Variants in BCR observed in about 807,000 individuals in gnomAD.
BCR encodes breakpoint cluster region protein.
BCR carries 58 observed loss-of-function variants against 138.6 expected under a neutral mutation model. That is an observed-to-expected ratio of 0.42 (90% CI 0.34 to 0.52). The LOEUF is 0.52. BCR is among the 20% of genes least tolerant of loss of function. The pLI, the probability that BCR is intolerant of heterozygous loss-of-function variation, is 0.06. For missense variants in BCR, 1,599 were observed against 1,727.2 expected, an observed-to-expected ratio of 0.93 and a Z score of 1.32; for synonymous variants, 786 against 730.1, an observed-to-expected ratio of 1.08 and a Z score of -1.23.
At chr22:23,191,553 C>T (rs1019406548) in intron 1 of BCR, among the ~76,000 whole-genome samples, 3 of 152,206 alleles carry the variant, frequency 2.0e-5, no homozygotes, top group African/African-American at 7.2e-5. Context: ...AATCCTTTGT[C>T]TATCTGGCTT....
At chr22:23,289,395 A>G in intron 12 of BCR, 122 bp from the exon 13 acceptor site, 1 of 782,340 alleles carries the variant, frequency 1.3e-6, no homozygotes, top group Admixed American at 2.3e-5. Flanking sequence ...TGAGCCCCCA[A>G]GCCCTGGCAC....
chr22:23,191,935 T>TA (rs1303050820), intron 1 of BCR, among the ~76,000 whole-genome samples: 1 of 152,220 alleles, frequency 6.6e-6, no homozygotes, highest in East Asian at 1.9e-4. Context: ...GGCTCACCCT[T>TA]AGAGAACTTC....
chr22:23,263,816 C>T (rs2045930800), intron 4 of BCR: 3 of 1,221,684 alleles, frequency 2.5e-6, no homozygotes, highest in South Asian at 1.2e-5. Context: ...TGGCCTCAGG[C>T]CAGCTGGGGT....
chr22:23,264,890 G>T (rs1197137630), intron 4 of BCR: 1 of 152,320 alleles, frequency 6.6e-6, no homozygotes, highest in Admixed American at 6.5e-5. Flanking sequence ...AGGGAACCCA[G>T]CAGTTCTGAG....
At chr22:23,211,186 G>A (rs1568935471) in intron 1 of BCR, among the ~76,000 whole-genome samples, 1 of 152,042 alleles carries the variant, frequency 6.6e-6, no homozygotes, top group East Asian at 1.9e-4. Context: ...AGTTCTTAGA[G>A]CTTCTTTTTT....
In BCR at chr22:23,312,845, G is replaced by A. The variant is rs373932636; in HGVS notation, c.3323-42G>A. 269 of 1,592,662 alleles carry A rather than the reference G, an allele frequency of 1.7e-4. 3 individuals are homozygous for A. The highest frequency in any genetic ancestry group is 2.2e-4 in the Admixed American group (13 of 59,886). On this transcript the variant is annotated intron_variant, in intron 19 of 22. Coordinates refer to ENST00000305877, the MANE Select transcript of BCR (RefSeq NM_004327.4). Reference sequence around the variant, plus strand: ...GGCAGGGATGGTGGGAGACTCACTCGGGATCCTCAAGGAGGCCGCTGCATT... The same window carrying A: ...GGCAGGGATGGTGGGAGACTCACTCAGGATCCTCAAGGAGGCCGCTGCATT...
intron 1 of BCR, among the ~76,000 whole-genome samples, chr22:23,205,898 C>T (rs1204879434): frequency 2.0e-5 from 3 of 152,184 alleles, no homozygotes; most frequent in Non-Finnish European, 4.4e-5. Context: ...CTGTGTTTCA[C>T]AGCGAGCTGC....
chr22:23,236,154 A>C (rs2073020403), intron 1 of BCR, among the ~76,000 whole-genome samples: 1 of 152,164 alleles, frequency 6.6e-6, no homozygotes, highest in African/African-American at 2.4e-5. Flanking sequence ...CACCTCCTGC[A>C]CACCAGCCAG....
chr22:23,233,295 C>T lies in BCR; in HGVS notation c.1280-20504C>T, dbSNP rs77415067. On this transcript the variant is annotated intron_variant, in intron 1 of 22. Transcript: ENST00000305877. ...GGCAGCATCTCCACGCCACTCCTGC[C>T]GGCCTTTCTCCTGGTGGAAGCAGCC... is the stretch of plus-strand genomic sequence containing the variant. Among the ~76,000 whole-genome samples, 663 of 152,308 alleles carry T rather than the reference C, an allele frequency of 4.4e-3. 6 individuals carry two copies. The highest frequency in any genetic ancestry group is 0.015 in the African/African-American group (630 of 41,564).
At chr22:23,275,560 G>C (rs1229321919) in intron 8 of BCR, among the ~76,000 whole-genome samples, 1 of 152,226 alleles carries the variant, frequency 6.6e-6, no homozygotes, top group Non-Finnish European at 1.5e-5. Flanking sequence ...CCATGGCTGG[G>C]ACCTGGGAGT....
intron 16 of BCR, among the ~76,000 whole-genome samples, chr22:23,296,705 G>A (rs923392976): frequency 2.0e-5 from 3 of 152,224 alleles, no homozygotes; most frequent in Non-Finnish European, 2.9e-5. Flanking sequence ...TACTCAGGAC[G>A]CTGAAGCGAG....
At chr22:23,258,258 GC>G (rs397837229) in intron 2 of BCR, among the ~76,000 whole-genome samples, 4 of 145,910 alleles carry the variant, frequency 2.7e-5, no homozygotes, top group Non-Finnish European at 6.2e-5. Flanking sequence ...CAAAAAGGTG[GC>G]CCAGGAAGGC....
At chr22:23,268,258 G>C in intron 4 of BCR, 150 bp from the exon 5 acceptor site, 1 of 581,712 alleles carries the variant, frequency 1.7e-6, no homozygotes, top group Non-Finnish European at 2.9e-6. Flanking sequence ...CAGGTGGGAG[G>C]GAGCAGCACG....
rs761256537 is a variant in BCR, at chr22:23,182,164, G to A, written c.1204G>A (p.Ala402Thr). The A allele has an allele frequency of 6.2e-7, 1 of 1,606,918 alleles. No homozygotes were observed. The highest frequency in any genetic ancestry group is 1.7e-5 in the Admixed American group (1 of 59,894). ...GCACTGCCCGGTTGTCGTGTCCGAG[G>A]CCACCATCGTGGGCGTCCGCAAGAC... ...HRHCPVVVSE[A>T]TIVGVRKTGQ... The change falls in exon 1 of 23, where the codon GCC becomes ACC. Residue 402 changes from alanine to threonine, a missense_variant. By Grantham distance (58) the Ala-to-Thr change is moderately conservative. Around this residue, in one of 4 missense-constraint regions of BCR, gnomAD observed 806 missense variants for 635.0 expected, o/e 1.27. Transcript: ENST00000305877.
At chr22:23,280,893 G>T (rs1050574231) in intron 8 of BCR, among the ~76,000 whole-genome samples, 5 of 152,330 alleles carry the variant, frequency 3.3e-5, no homozygotes. Flanking sequence ...AGGGACCCAT[G>T]CCCACACGGG....
chr22:23,311,935 T>C, intron 19 of BCR, 99 bp downstream of exon 19: 2 of 1,508,162 alleles, frequency 1.3e-6, no homozygotes, highest in Non-Finnish European at 1.8e-6. Context: ...CACATCCTTC[T>C]CTGTGTCTTT....
Position 23,292,568 on chromosome 22 carries a change from C to G in BCR, c.2810C>G (p.Ser937Cys), listed in dbSNP as rs1467526376. The change falls in exon 15 of 23, where the codon TCC (serine) becomes TGC (cysteine). Residue 937 changes from serine to cysteine, a missense_variant. Ser to Cys is a moderately radical substitution (Grantham distance 112, BLOSUM62 -1). Around this residue, in one of 4 missense-constraint regions of BCR, gnomAD observed 590 missense variants for 762.4 expected, o/e 0.77. Coordinates refer to ENST00000305877, the MANE Select transcript of BCR (RefSeq NM_004327.4). ...SNLYCTLEVD[S>C]FGYFVNKAKT... Reference sequence around the variant, plus strand: ...CTGTACTGCACCCTGGAGGTGGATTCCTTTGGGTATTTTGTGAATAAAGCA... The same window carrying G: ...CTGTACTGCACCCTGGAGGTGGATTGCTTTGGGTATTTTGTGAATAAAGCA... 2.5e-6 allele frequency: 4 copies of G among 1,613,476 alleles called. No individual in the cohort carries two copies. The Admixed American group carries it at 5.0e-5, about 20-fold the overall frequency.
At chr22:23,266,711 G>A (rs2073446612) in intron 4 of BCR, among the ~76,000 whole-genome samples, 1 of 152,240 alleles carries the variant, frequency 6.6e-6, no homozygotes, top group South Asian at 2.1e-4. Flanking sequence ...AAGGGCACAG[G>A]CCCACTCGGG....
intron 1 of BCR, among the ~76,000 whole-genome samples, chr22:23,184,167 C>G (rs2072308448): frequency 6.6e-6 from 1 of 152,194 alleles, no homozygotes; most frequent in Non-Finnish European, 1.5e-5. Flanking sequence ...TAGCTCACTG[C>G]AACCTCAAAA....
Sources: gnomAD v4.1 joint callset for allele counts (sites outside exome capture counted in the v4.1 genomes callset) on GRCh38, gnomAD v4.1.1 for gene constraint, gnomAD v4.1.1 regional missense constraint, MANE v1.5 for transcripts, NCBI Gene and HGNC (gene_info 2026-07-23, HGNC 2026-07-21) for gene names.